ENG: variants seen among roughly 807,000 people sequenced by gnomAD.
ENG encodes the protein CD105 antigen.
In ENG, 17 loss-of-function variants were observed where a neutral mutation model predicts 71.0. The observed-to-expected ratio is 0.24, with a 90% confidence interval of 0.16 to 0.36. ENG has a LOEUF of 0.36. Among genes scored for constraint, ENG ranks in the 10% least tolerant of loss-of-function variants. The pLI is 1.00. For missense variants in ENG, 749 were observed against 868.3 expected (o/e 0.86, Z 1.73); for synonymous variants, 360 against 366.9 (o/e 0.98, Z 0.21).
chr9:127,841,503 T>A (rs75481485), intron 2 of ENG, among the ~76,000 whole-genome samples: 4 of 150,052 alleles, frequency 2.7e-5, no homozygotes, highest in Non-Finnish European at 4.4e-5. Flanking sequence ...AAAAAAAAAA[T>A]GACAATGCCT....
At chr9:127,818,936 C>T in intron 10 of ENG, 104 bp from the exon 11 acceptor site, 1 of 912,572 alleles carries the variant, frequency 1.1e-6, no homozygotes. Context: ...AGTTGCCTGA[C>T]TCTCTTTTTT....
intron 13 of ENG, 78 bp downstream of exon 13, chr9:127,817,071 G>A (rs570988060): frequency 1.3e-4 from 206 of 1,550,826 alleles, no homozygotes; most frequent in Non-Finnish European, 1.7e-4. Flanking sequence ...TGCCCAGGCC[G>A]TTTCTCAGGG....
chr9:127,845,086 G>A (rs1196804568), intron 1 of ENG, among the ~76,000 whole-genome samples: 1 of 152,268 alleles, frequency 6.6e-6, no homozygotes, highest in African/African-American at 2.4e-5. Flanking sequence ...CTCCGGAGGA[G>A]GGAAGGAGGA....
chr9:127,820,053 G>A lies in ENG; in HGVS notation c.1135-16C>T. ...ACTTCAAATGCTGGGTCGGAAGAGA[G>A]GGGCACCATCAGGAGGCACTGGGGT... On this transcript the variant is annotated splice_polypyrimidine_tract_variant and intron_variant, in intron 8 of 14. Coordinates refer to ENST00000373203, the MANE Select transcript of ENG (RefSeq NM_001114753.3). 2 of 1,612,626 alleles carry A rather than the reference G, an allele frequency of 1.2e-6. No individual in the cohort carries two copies. The highest frequency in any genetic ancestry group is 8.5e-7 in the Non-Finnish European group (1 of 1,179,662).
chr9:127,853,875 G>C (rs2131935882), intron 1 of ENG, among the ~76,000 whole-genome samples: 1 of 152,348 alleles, frequency 6.6e-6, no homozygotes, highest in Admixed American at 6.5e-5. Flanking sequence ...GTGCCTATGT[G>C]AGATTTGAAC....
chr9:127,853,315 C>T (rs1045797070), intron 1 of ENG, among the ~76,000 whole-genome samples: 1 of 152,130 alleles, frequency 6.6e-6, no homozygotes, highest in Admixed American at 6.5e-5. Flanking sequence ...TTCCTCCCCA[C>T]ACTCTCAGCT....
Position 127,816,029 on chromosome 9 carries a change from A to G in ENG, c.1766T>C (p.Leu589Pro), listed in dbSNP as rs748191815. Residue 589 changes from leucine (L) to proline (P), a missense_variant, in exon 14 of 15, where the codon CTG becomes CCG. Leu to Pro is a moderately conservative substitution (Grantham distance 98). Transcript: ENST00000373203. ...LSGCTSKGLVLPAVLGITFGA... is the reference protein window; with the variant it reads ...LSGCTSKGLVPPAVLGITFGA... ...AAAGGTGATGCCCAGCACGGCGGGC[A>G]GGACGAGGCCTTTGCTTGTGCAACC... 6.2e-7 allele frequency: 1 copy of G among 1,610,652 alleles called. No homozygotes were observed. The highest frequency in any genetic ancestry group is 1.1e-5 in the South Asian group (1 of 90,456).
chr9:127,832,485 G>A (rs1830789307), intron 2 of ENG: 2 of 151,866 alleles, frequency 1.3e-5, no homozygotes, highest in South Asian at 2.1e-4. Flanking sequence ...TGCCCAGGTA[G>A]GCCTGTGCTC....
intron 11 of ENG, 121 bp downstream of exon 11, chr9:127,818,595 C>G: frequency 7.2e-7 from 1 of 1,391,378 alleles, no homozygotes; most frequent in Non-Finnish European, 1.0e-6. Flanking sequence ...CTCCCGTGCA[C>G]CCAGGCTGTC....
intron 2 of ENG, among the ~76,000 whole-genome samples, chr9:127,841,491 G>GAA (rs369097258): frequency 6.8e-6 from 1 of 146,450 alleles, no homozygotes; most frequent in African/African-American, 2.5e-5. Flanking sequence ...TACCAAATTT[G>GAA]AAAAAAAAAA....
chr9:127,853,787 T>G (rs906831013), intron 1 of ENG, among the ~76,000 whole-genome samples: 1 of 152,172 alleles, frequency 6.6e-6, no homozygotes, highest in Non-Finnish European at 1.5e-5. Flanking sequence ...CCTCAGCAGC[T>G]CTGAGAGGGA....
intron 1 of ENG, among the ~76,000 whole-genome samples, chr9:127,853,772 C>A (rs1378917627): frequency 6.6e-6 from 1 of 152,220 alleles, no homozygotes; most frequent in East Asian, 1.9e-4. Flanking sequence ...CCTCACCACC[C>A]ACCTCCTCAG....
intron 1 of ENG, among the ~76,000 whole-genome samples, chr9:127,849,429 G>A (rs981849105): frequency 1.3e-5 from 2 of 152,190 alleles, no homozygotes; most frequent in South Asian, 4.1e-4. Context: ...GGAACTGGCT[G>A]GTCAGGGCTG....
At chr9:127,831,410 C>T (rs1467107006) in intron 2 of ENG, among the ~76,000 whole-genome samples, 5 of 145,768 alleles carry the variant, frequency 3.4e-5, no homozygotes, top group African/African-American at 5.1e-5. Flanking sequence ...TTCTTTGAGG[C>T]GGAGTCTCGC....
Position 127,832,028 on chromosome 9 carries a change from G to A in ENG, c.220-2201C>T, listed in dbSNP as rs187105114. On this transcript the variant is annotated intron_variant, in intron 2 of 14. Coordinates refer to ENST00000373203, the MANE Select transcript of ENG (RefSeq NM_001114753.3). ...TAGGCTCAAGCAATCCTCCCACCTC[G>A]GCTTCCCAAAGTGCTGGAATTACAG... Among the ~76,000 whole-genome samples, 9 of 149,536 alleles carry A rather than the reference G, an allele frequency of 6.0e-5. No individual in the cohort carries two copies. In the East Asian group the frequency reaches 7.9e-4, roughly 13 times the overall value.
At chr9:127,847,372 G>C (rs964237545) in intron 1 of ENG, among the ~76,000 whole-genome samples, 1 of 152,162 alleles carries the variant, frequency 6.6e-6, no homozygotes, top group Non-Finnish European at 1.5e-5. Context: ...CCTGTTGAGT[G>C]CCTGGTACTA....
chr9:127,830,388 A>C (rs1830735465), intron 2 of ENG, among the ~76,000 whole-genome samples: 1 of 151,072 alleles, frequency 6.6e-6, no homozygotes, highest in South Asian at 2.1e-4. Context: ...CACACCTGTA[A>C]TCCCAGCACT....
chr9:127,853,305 T>TTCCTTCCCCC (rs1829077114), intron 1 of ENG, among the ~76,000 whole-genome samples: 1 of 152,066 alleles, frequency 6.6e-6, no homozygotes, highest in Non-Finnish European at 1.5e-5. Context: ...TTCCTTCCCC[T>TTCCTTCCCCC]TCCTCCCCAC....
At chr9:127,827,435 C>T in intron 3 of ENG, among the ~76,000 whole-genome samples, 1 of 152,094 alleles carries the variant, frequency 6.6e-6, no homozygotes. Context: ...GCCTACCCTG[C>T]CATTGCCTCA....
Sources: allele counts gnomAD v4.1 joint callset (sites outside exome capture counted in the v4.1 genomes callset), GRCh38; gene constraint gnomAD v4.1.1; transcripts MANE v1.5; gene names NCBI Gene and HGNC (gene_info 2026-07-23, HGNC 2026-07-21).